Variants in CNBD1 observed in about 807,000 individuals in gnomAD.
The protein encoded by CNBD1 is cyclic nucleotide binding domain containing 1.
A neutral mutation model predicts 54.4 loss-of-function variants in CNBD1; 71 were observed. The observed-to-expected ratio is 1.30, with a 90% CI of 1.08 to 1.59. The LOEUF is 1.59. CNBD1 is among the 40% of genes most tolerant of loss of function. The pLI is 0.00. For synonymous variants in CNBD1, 182 were observed against 170.7 expected, an observed-to-expected ratio of 1.07 and a Z score of -0.51; for missense variants, 659 against 518.0, an observed-to-expected ratio of 1.27 and a Z score of -2.64.
At chr8:87,002,925 T>A (rs540070420) in intron 4 of CNBD1, among the ~76,000 whole-genome samples, 2 of 152,302 alleles carry the variant, frequency 1.3e-5, no homozygotes, top group African/African-American at 2.4e-5. Context: ...TGTAAAAAAA[T>A]ATTTATTGAC....
chr8:86,898,188 T>C, intron 2 of CNBD1, among the ~76,000 whole-genome samples: 1 of 152,170 alleles, frequency 6.6e-6, no homozygotes, highest in East Asian at 1.9e-4. Context: ...AAATATCTAC[T>C]GGTTCACTGA....
At chr8:86,870,939 A>T (rs1808435491) in intron 1 of CNBD1, among the ~76,000 whole-genome samples, 1 of 152,222 alleles carries the variant, frequency 6.6e-6, no homozygotes, top group South Asian at 2.1e-4. Context: ...ATGTGCCATC[A>T]TAAAATTCAG....
intron 10 of CNBD1, among the ~76,000 whole-genome samples, chr8:87,362,732 G>T (rs192884294): frequency 6.6e-6 from 1 of 151,908 alleles, no homozygotes; most frequent in South Asian, 2.1e-4. Flanking sequence ...GTGAGTCCAC[G>T]CTTAACATTA....
rs555417120 is a variant in CNBD1, at chr8:87,099,284, C to T, written c.432-106709C>T. Among the ~76,000 whole-genome samples the T allele has an allele frequency of 2.6e-5, 4 of 152,080 alleles. No individual in the cohort carries two copies. The South Asian group carries it at 8.3e-4, about 32-fold the overall frequency. ...AGGTAGGAGAGTGATAGCAAAAGAG[C>T]CTGAGATGTCACCAGAGGCCTCTGT... On this transcript the variant is annotated intron_variant, in intron 4 of 10. Transcript: ENST00000518476.
chr8:87,105,641 AG>A (rs1422815914), intron 4 of CNBD1, among the ~76,000 whole-genome samples: 1 of 152,176 alleles, frequency 6.6e-6, no homozygotes, highest in African/African-American at 2.4e-5. Flanking sequence ...CTGGGAAAAA[AG>A]CATGGCCTCC....
chr8:86,893,777 G>A (rs1405648964), intron 2 of CNBD1, among the ~76,000 whole-genome samples: 1 of 152,072 alleles, frequency 6.6e-6, no homozygotes, highest in African/African-American at 2.4e-5. Flanking sequence ...AGTAATTAAA[G>A]TATGAAAATC....
intron 8 of CNBD1, among the ~76,000 whole-genome samples, chr8:87,325,669 C>T (rs1563553246): frequency 7.2e-6 from 1 of 138,794 alleles, no homozygotes; most frequent in Non-Finnish European, 1.6e-5. Context: ...GATCTTCCTC[C>T]ATCCTTTTAT....
At chr8:87,137,121 TTTA>T (rs1295067178) in intron 4 of CNBD1, among the ~76,000 whole-genome samples, 2 of 137,190 alleles carry the variant, frequency 1.5e-5, no homozygotes, top group Non-Finnish European at 3.1e-5. Context: ...ATATTATATT[TTTA>T]TTATATATAA....
chr8:86,880,764 G>GA (rs147588450), intron 1 of CNBD1, among the ~76,000 whole-genome samples: 10,183 of 152,126 alleles, frequency 0.067, 475 homozygotes, highest in Middle Eastern at 0.1. Context: ...GAACAGCAAT[G>GA]AAAAAATCCT....
chr8:87,022,007 A>C (rs1348848164), intron 4 of CNBD1, among the ~76,000 whole-genome samples: 2 of 152,158 alleles, frequency 1.3e-5, no homozygotes, highest in African/African-American at 4.8e-5. Flanking sequence ...ATAGGCGAGG[A>C]ATTTGTGCAT....
intron 2 of CNBD1, among the ~76,000 whole-genome samples, chr8:86,897,312 C>G (rs1274507304): frequency 6.6e-6 from 1 of 152,088 alleles, no homozygotes; most frequent in Non-Finnish European, 1.5e-5. Context: ...GTGTTTAATA[C>G]AGAAATCTAG....
intron 10 of CNBD1, among the ~76,000 whole-genome samples, chr8:87,364,354 G>C (rs1000782033): frequency 6.6e-6 from 1 of 151,728 alleles, no homozygotes; most frequent in Non-Finnish European, 1.5e-5. Context: ...GTAAATGTTT[G>C]TTTATTTTGT....
chr8:86,897,340 G>T (rs1479714414), intron 2 of CNBD1, among the ~76,000 whole-genome samples: 1 of 152,162 alleles, frequency 6.6e-6, no homozygotes, highest in Non-Finnish European at 1.5e-5. Flanking sequence ...AGAGTTAAAA[G>T]ATCCAAAAGA....
chr8:87,107,501 C>T (rs1811566953), intron 4 of CNBD1, among the ~76,000 whole-genome samples: 1 of 152,200 alleles, frequency 6.6e-6, no homozygotes, highest in Non-Finnish European at 1.5e-5. Flanking sequence ...TCAACTCACA[C>T]ACCCATTAGT....
At chr8:87,188,749 A>C (rs1280776881) in intron 4 of CNBD1, among the ~76,000 whole-genome samples, 1 of 139,088 alleles carries the variant, frequency 7.2e-6, no homozygotes, top group African/African-American at 3.0e-5. Context: ...ACTCCATCTC[A>C]AAAAAAAAAA....
intron 2 of CNBD1, among the ~76,000 whole-genome samples, chr8:86,889,875 T>C (rs1040355351): frequency 3.3e-5 from 5 of 152,128 alleles, no homozygotes; most frequent in Non-Finnish European, 5.9e-5. Flanking sequence ...TTCAAAAAAA[T>C]GTACAAGAGT....
intron 4 of CNBD1, among the ~76,000 whole-genome samples, chr8:87,087,592 T>C (rs1465070407): frequency 1.3e-5 from 2 of 150,794 alleles, no homozygotes; most frequent in African/African-American, 4.9e-5. Flanking sequence ...GCCTCCCGAG[T>C]AGCTGGGACT....
intron 4 of CNBD1, among the ~76,000 whole-genome samples, chr8:86,977,958 G>T (rs1401483545): frequency 6.6e-6 from 1 of 152,098 alleles, no homozygotes. Flanking sequence ...AAATATCCCT[G>T]ATGAACATAG....
chr8:87,056,743 T>G (rs950830794), intron 4 of CNBD1, among the ~76,000 whole-genome samples: 1 of 152,078 alleles, frequency 6.6e-6, no homozygotes, highest in Admixed American at 6.5e-5. Context: ...TACTTCTAAT[T>G]AGAAAGATTA....
Sources: gnomAD v4.1 joint callset for allele counts (sites outside exome capture counted in the v4.1 genomes callset) on GRCh38, gnomAD v4.1.1 for gene constraint, MANE v1.5 for transcripts, NCBI Gene and HGNC (gene_info 2026-07-23, HGNC 2026-07-21) for gene names.